The following IL1RL2 variants were observed in gnomAD, a reference collection of about 807,000 sequenced individuals.
IL1RL2 encodes interleukin 1 receptor like 2.
IL1RL2 carries 68 observed loss-of-function variants against 66.8 expected under a neutral mutation model. The observed-to-expected ratio is 1.02, with a 90% CI of 0.84 to 1.25. The LOEUF is 1.25. Ranked by LOEUF, IL1RL2 falls within the 50% of genes most tolerant of loss-of-function variation. The pLI is 0.00. For synonymous variants in IL1RL2, 305 were observed against 264.6 expected (o/e 1.15, Z -1.48); for missense variants, 729 against 709.3 (o/e 1.03, Z -0.32).
chr2:102,238,514 T>C (rs533901072), intron 11 of IL1RL2, among the ~76,000 whole-genome samples: 1 of 152,266 alleles, frequency 6.6e-6, no homozygotes, highest in African/African-American at 2.4e-5. Context: ...CAGCACCCCA[T>C]AGTGACGCAG....
At chr2:102,231,737 AG>A (rs1691155643) in intron 9 of IL1RL2, among the ~76,000 whole-genome samples, 1 of 152,100 alleles carries the variant, frequency 6.6e-6, no homozygotes, top group Non-Finnish European at 1.5e-5. Context: ...GCTGCTTTTG[AG>A]GTTGCTCAAT....
chr2:102,230,788 G>A (rs1691057725), intron 9 of IL1RL2, among the ~76,000 whole-genome samples: 1 of 152,232 alleles, frequency 6.6e-6, no homozygotes, highest in Non-Finnish European at 1.5e-5. Context: ...CTCTGTAAGA[G>A]ATGGCCAAGA....
chr2:102,204,561 T>G (rs555413420), intron 5 of IL1RL2, among the ~76,000 whole-genome samples: 1 of 152,242 alleles, frequency 6.6e-6, no homozygotes, highest in East Asian at 1.9e-4. Flanking sequence ...ATCTGAGTGC[T>G]TCAGTGTTGG....
intron 3 of IL1RL2, among the ~76,000 whole-genome samples, chr2:102,190,148 G>A (rs1203113950): frequency 6.6e-6 from 1 of 152,182 alleles, no homozygotes; most frequent in Non-Finnish European, 1.5e-5. Flanking sequence ...GTGGTCAGCT[G>A]GAAAACACAT....
At chr2:102,207,141 A>G (rs958142147) in intron 5 of IL1RL2, among the ~76,000 whole-genome samples, 6 of 152,116 alleles carry the variant, frequency 3.9e-5, no homozygotes, top group African/African-American at 9.7e-5. Flanking sequence ...TCTTCAGGGC[A>G]CTGGGCTCCC....
At chr2:102,202,381 G>C (rs928916393) in intron 5 of IL1RL2, among the ~76,000 whole-genome samples, 1 of 150,568 alleles carries the variant, frequency 6.6e-6, no homozygotes, top group African/African-American at 2.4e-5. Flanking sequence ...CATAATAATA[G>C]GTGTATTATA....
chr2:102,211,560 C>T (rs1339159115), intron 5 of IL1RL2, among the ~76,000 whole-genome samples: 1 of 152,140 alleles, frequency 6.6e-6, no homozygotes, highest in Non-Finnish European at 1.5e-5. Context: ...CTACCCATTC[C>T]CACCAGTTCC....
downstream of IL1RL2, among the ~76,000 whole-genome samples, chr2:102,240,768 G>T (rs1363126898): frequency 6.6e-6 from 1 of 152,170 alleles, no homozygotes; most frequent in African/African-American, 2.4e-5. Context: ...TTAATTATCT[G>T]ACTTCCTGGT....
At chr2:102,195,579 TTC>T (rs1160149150) in intron 4 of IL1RL2, among the ~76,000 whole-genome samples, 1 of 15,978 alleles carries the variant, frequency 6.3e-5, no homozygotes, top group South Asian at 3.7e-3. Flanking sequence ...CTTTCTTTCT[TTC>T]TTTCTTTCTT....
chr2:102,222,819 A>G (rs1217328032), intron 8 of IL1RL2, among the ~76,000 whole-genome samples: 1 of 152,228 alleles, frequency 6.6e-6, no homozygotes, highest in African/African-American at 2.4e-5. Flanking sequence ...CACCCCAGAG[A>G]AAAGAGAAGC....
At chr2:102,187,337 T>G in intron 1 of IL1RL2, 1 of 1,170,438 alleles carries the variant, frequency 8.5e-7, no homozygotes, top group Non-Finnish European at 1.1e-6. Flanking sequence ...CGCTGGCCCT[T>G]GCCAGGTAGG....
At chr2:102,218,633 G>A (rs1689822872) in intron 6 of IL1RL2, among the ~76,000 whole-genome samples, 1 of 152,106 alleles carries the variant, frequency 6.6e-6, no homozygotes, top group African/African-American at 2.4e-5. Context: ...AAAGACTGAA[G>A]GATAAAATGC....
intron 3 of IL1RL2, 145 bp downstream of exon 3, chr2:102,189,455 C>T (rs570680749): frequency 5.7e-5 from 35 of 615,464 alleles, no homozygotes; most frequent in Non-Finnish European, 9.4e-5. Context: ...TTCCAGTGAA[C>T]ACATTTTTAA....
chr2:102,188,536 C>G (rs1686921004), intron 2 of IL1RL2, among the ~76,000 whole-genome samples: 1 of 134,176 alleles, frequency 7.5e-6, no homozygotes, highest in Middle Eastern at 4.3e-3. Context: ...TGCAGTGAGC[C>G]GAGATTGAGC....
intron 1 of IL1RL2, chr2:102,187,310 C>T: frequency 8.5e-7 from 1 of 1,175,484 alleles, no homozygotes; most frequent in South Asian, 1.6e-5. Context: ...GGCTCCCTGC[C>T]TTCCTTTCTC....
At chr2:102,227,136 C>A (rs1690692050) in intron 9 of IL1RL2, among the ~76,000 whole-genome samples, 1 of 152,108 alleles carries the variant, frequency 6.6e-6, no homozygotes, top group African/African-American at 2.4e-5. Flanking sequence ...TAAGGCCTTG[C>A]AAAAGTAATA....
At position 102,201,833 on chromosome 2, in the gene IL1RL2, G is replaced by C. The variant is rs111374649; in HGVS notation, c.649+118G>C. On this transcript the variant is annotated intron_variant, in intron 5 of 11. Transcript: ENST00000264257. ...GATTCTAGGTCTTGGTTTCCCTGAA[G>C]GCTAGTAGGCTCTCAGACCTGCCAC... 1.9e-4 allele frequency: 169 copies of C among 901,476 alleles called. 1 individual carries two copies. The African/African-American group carries it at 2.5e-3, about 13-fold the overall frequency. 55.8% of individuals were successfully genotyped at this position (901,476 alleles called of 1,614,324 possible). A position where few individuals can be genotyped will look rare whatever the true frequency, so the allele number is the denominator to read the frequency against.
intron 2 of IL1RL2, among the ~76,000 whole-genome samples, chr2:102,188,586 T>TAAAA (rs1578077264): frequency 4.6e-5 from 1 of 21,758 alleles, no homozygotes; most frequent in African/African-American, 1.1e-4. Flanking sequence ...AGACTCCGTC[T>TAAAA]CAAAAAAAAA....
intron 4 of IL1RL2, among the ~76,000 whole-genome samples, chr2:102,198,881 T>C (rs1688004367): frequency 6.6e-6 from 1 of 152,164 alleles, no homozygotes; most frequent in Non-Finnish European, 1.5e-5. Flanking sequence ...AATCTCCAGA[T>C]TTCTTTGTCC....
Sources: allele counts gnomAD v4.1 joint callset (sites outside exome capture counted in the v4.1 genomes callset), GRCh38; gene constraint gnomAD v4.1.1; transcripts MANE v1.5; gene names NCBI Gene and HGNC (gene_info 2026-07-23, HGNC 2026-07-21).